Variants in AP3S2 observed in about 807,000 individuals in gnomAD.
The protein encoded by AP3S2 is AP-3 complex subunit sigma-2.
A neutral mutation model predicts 23.4 loss-of-function variants in AP3S2; 22 were observed. The ratio of observed to expected loss-of-function variants is 0.94; its 90% CI spans 0.67 to 1.34. The LOEUF is 1.34. Ranked by LOEUF, AP3S2 falls within the 40% of genes most tolerant of loss-of-function variation. The pLI, the probability that AP3S2 is intolerant of heterozygous loss-of-function variation, is 0.00. For synonymous variants in AP3S2, 86 were observed against 87.1 expected (o/e 0.99, Z 0.07); for missense variants, 241 against 236.9 (o/e 1.02, Z -0.11).
intron 4 of AP3S2, among the ~76,000 whole-genome samples, chr15:89,855,962 A>G (rs1277564964): frequency 6.6e-6 from 1 of 150,982 alleles, no homozygotes; most frequent in East Asian, 1.9e-4. Context: ...AAAAAAAAAA[A>G]AAAAAAGAAT....
At chr15:89,841,077 A>G (rs1378153782) in intron 4 of AP3S2, among the ~76,000 whole-genome samples, 1 of 152,182 alleles carries the variant, frequency 6.6e-6, no homozygotes, top group Non-Finnish European at 1.5e-5. Context: ...GGCTTTAGGG[A>G]CTTCGAAGAT....
At chr15:89,842,675 C>T (rs1480547188) in intron 4 of AP3S2, among the ~76,000 whole-genome samples, 3 of 152,190 alleles carry the variant, frequency 2.0e-5, no homozygotes, top group Non-Finnish European at 1.5e-5. Flanking sequence ...TGCAGTGGCG[C>T]GATCTCGGCT....
chr15:89,860,293 A>T (rs1895982617), intron 4 of AP3S2, among the ~76,000 whole-genome samples: 1 of 152,212 alleles, frequency 6.6e-6, no homozygotes. Context: ...ATTAACAACG[A>T]TAACTAATAA....
chr15:89,877,344 G>A, intron 3 of AP3S2: 1 of 1,303,068 alleles, frequency 7.7e-7, no homozygotes, highest in Non-Finnish European at 1.0e-6. Context: ...TTGTTCTGAT[G>A]TCAGGTCCTT....
At chr15:89,867,858 G>C (rs2141875661) in intron 4 of AP3S2, among the ~76,000 whole-genome samples, 1 of 130,898 alleles carries the variant, frequency 7.6e-6, no homozygotes, top group African/African-American at 2.8e-5. Flanking sequence ...CCGCCCGGCA[G>C]CCACCCCATC....
intron 1 of AP3S2, among the ~76,000 whole-genome samples, chr15:89,892,728 A>G (rs559869040): frequency 8.5e-5 from 13 of 152,272 alleles, no homozygotes; most frequent in Non-Finnish European, 1.6e-4. Context: ...CAGTGGCGCT[A>G]TCTTGGCTCA....
chr15:89,866,731 G>A (rs1896132821), intron 4 of AP3S2, among the ~76,000 whole-genome samples: 1 of 151,942 alleles, frequency 6.6e-6, no homozygotes, highest in Non-Finnish European at 1.5e-5. Context: ...GCCTCCCAAA[G>A]TGCTGGGATT....
At chr15:89,874,700 T>C (rs1038524843) in intron 3 of AP3S2, among the ~76,000 whole-genome samples, 2 of 152,206 alleles carry the variant, frequency 1.3e-5, no homozygotes, top group African/African-American at 4.8e-5. Flanking sequence ...GAGGATTGCT[T>C]GAGCCCAGGA....
chr15:89,848,979 T>C (rs996332165), intron 4 of AP3S2: 1 of 152,206 alleles, frequency 6.6e-6, no homozygotes, highest in Non-Finnish European at 1.5e-5. Context: ...CATTCCAAAG[T>C]CCAATGTTTT....
chr15:89,877,697 A>G (rs1896475843), intron 3 of AP3S2, among the ~76,000 whole-genome samples: 1 of 152,146 alleles, frequency 6.6e-6, no homozygotes, highest in African/African-American at 2.4e-5. Context: ...CAGGTGGCTG[A>G]GGCACAAGAA....
intron 4 of AP3S2, among the ~76,000 whole-genome samples, chr15:89,862,008 G>C (rs1304691579): frequency 1.3e-5 from 2 of 151,992 alleles, no homozygotes; most frequent in South Asian, 2.1e-4. Context: ...ACTGTGGCTA[G>C]AGCAGAAAGT....
intron 5 of AP3S2, 118 bp downstream of exon 5, chr15:89,837,497 G>T: frequency 1.7e-6 from 2 of 1,159,790 alleles, no homozygotes; most frequent in South Asian, 1.5e-5. Flanking sequence ...AAGGAAGAAA[G>T]AAGATGAGTA....
chr15:89,857,938 G>A (rs1015167271), intron 4 of AP3S2, among the ~76,000 whole-genome samples: 2 of 152,170 alleles, frequency 1.3e-5, no homozygotes, highest in African/African-American at 2.4e-5. Context: ...ACATGCCCAG[G>A]TAGAAGCATA....
rs779654139 is a variant in AP3S2, at chr15:89,893,984, TC to T, written c.-36del. 17 of 1,546,802 alleles carry T rather than the reference TC, an allele frequency of 1.1e-5. No homozygotes were observed. In the East Asian group the frequency reaches 3.9e-4, roughly 36 times the overall value. On this transcript the variant is annotated 5_prime_UTR_variant, in exon 1 of 6. Transcript: ENST00000336418. The stretch of plus-strand genomic sequence containing the variant: ...CCACGGTTCTCTCAGCACCGGCTAC[TC>T]CCAGAAAGCTCCTCCTTCCGCCACA...
chr15:89,866,399 C>T (rs1896121427), intron 4 of AP3S2, among the ~76,000 whole-genome samples: 1 of 152,052 alleles, frequency 6.6e-6, no homozygotes, highest in Non-Finnish European at 1.5e-5. Context: ...CTTCCCACAG[C>T]ACCTACAGCT....
intron 4 of AP3S2, among the ~76,000 whole-genome samples, chr15:89,870,130 A>T (rs1896284070): frequency 6.6e-6 from 1 of 152,204 alleles, no homozygotes; most frequent in African/African-American, 2.4e-5. Flanking sequence ...TCTCTTTAAT[A>T]CTTGAAAGGG....
intron 3 of AP3S2, among the ~76,000 whole-genome samples, chr15:89,880,431 C>G (rs1176708503): frequency 6.6e-6 from 1 of 152,104 alleles, no homozygotes; most frequent in Non-Finnish European, 1.5e-5. Context: ...TGGCTCACGC[C>G]TGTAATCCCA....
intron 1 of AP3S2, among the ~76,000 whole-genome samples, chr15:89,890,077 T>C (rs1471636147): frequency 6.6e-6 from 1 of 152,110 alleles, no homozygotes; most frequent in Non-Finnish European, 1.5e-5. Context: ...TTATTATTTT[T>C]AGACAGAGTC....
rs145975353 is a variant in AP3S2, at chr15:89,856,300, C to T, written c.345+15175G>A. Among the ~76,000 whole-genome samples, 1,213 of 152,272 alleles carry T rather than the reference C, an allele frequency of 8.0e-3. 26 individuals carry two copies. The highest frequency in any genetic ancestry group is 0.048 in the Admixed American group (737 of 15,290). On this transcript the variant is annotated intron_variant, in intron 4 of 5. Coordinates refer to ENST00000336418, the MANE Select transcript of AP3S2 (RefSeq NM_005829.5). Reference sequence around the variant, plus strand: ...GGCCTTGGCTGGGTGCAGTGGCTCACGCCTGTAATCCTAGCACTTTGGGAG... The same window carrying T: ...GGCCTTGGCTGGGTGCAGTGGCTCATGCCTGTAATCCTAGCACTTTGGGAG...
Sources: allele counts gnomAD v4.1 joint callset (sites outside exome capture counted in the v4.1 genomes callset), GRCh38; gene constraint gnomAD v4.1.1; transcripts MANE v1.5; gene names NCBI Gene and HGNC (gene_info 2026-07-23, HGNC 2026-07-21).